PIK3R3: variants seen among roughly 807,000 people sequenced by gnomAD.
PIK3R3 encodes the protein phosphoinositide-3-kinase regulatory subunit 3.
A neutral mutation model predicts 62.9 loss-of-function variants in PIK3R3; 64 were observed. That is an observed-to-expected ratio of 1.02 (90% CI 0.83 to 1.25). The LOEUF is 1.25. PIK3R3 is among the 50% of genes most tolerant of loss of function. The pLI is 0.00. For missense variants in PIK3R3, 614 were observed against 561.6 expected, an observed-to-expected ratio of 1.09 and a Z score of -0.94; for synonymous variants, 165 against 189.0, an observed-to-expected ratio of 0.87 and a Z score of 1.04.
chr1:46,100,053 T>C lies in PIK3R3; in HGVS notation c.107-19303A>G, dbSNP rs186877618. Among the ~76,000 whole-genome samples the C allele has an allele frequency of 3.9e-5, 6 of 152,332 alleles. No homozygotes were observed. The East Asian group carries it at 1.2e-3, about 29-fold the overall frequency. On this transcript the variant is annotated intron_variant, in intron 1 of 9. Transcript: ENST00000262741. ...AATATTCTTCATATATCCTGATTAT[T>C]AATCCTTTTTAGTTATTTTTCCTGC... is the stretch of plus-strand genomic sequence containing the variant.
chr1:46,147,249 G>A, the PIK3R3 span, among the ~76,000 whole-genome samples: 6 of 152,188 alleles, frequency 3.9e-5, no homozygotes, highest in East Asian at 1.2e-3. Context: ...GACTACAGGT[G>A]CCTGCCACAA....
chr1:46,142,392 T>C, the PIK3R3 span, among the ~76,000 whole-genome samples: 1 of 152,136 alleles, frequency 6.6e-6, no homozygotes. Flanking sequence ...CATCGCTCTT[T>C]GAGGACATTG....
At chr1:46,166,562 T>C in the PIK3R3 span, among the ~76,000 whole-genome samples, 1 of 152,144 alleles carries the variant, frequency 6.6e-6, no homozygotes, top group Non-Finnish European at 1.5e-5. Flanking sequence ...TTCTCTTTTC[T>C]GAAGCTGGAG....
At position 46,132,243 on chromosome 1, in the gene PIK3R3, A is replaced by T; in HGVS notation, c.-291T>A. ...GAGGTGTTAAAAAGCGGCTTCCCAA[A>T]AATCCTTTCTACACAGTCGCTCTCC... On this transcript the variant is annotated 5_prime_UTR_variant, in exon 1 of 10. Coordinates refer to ENST00000262741, the MANE Select transcript of PIK3R3 (RefSeq NM_003629.4). 8.6e-7 allele frequency: 1 copy of T among 1,162,812 alleles called. No individual in the cohort carries two copies. The highest frequency in any genetic ancestry group is 1.1e-6 in the Non-Finnish European group (1 of 937,236). 72.0% of individuals were successfully genotyped at this position (1,162,812 alleles called of 1,614,324 possible).
chr1:46,103,011 C>T (rs1433349410), intron 1 of PIK3R3, among the ~76,000 whole-genome samples: 1 of 152,122 alleles, frequency 6.6e-6, no homozygotes, highest in Non-Finnish European at 1.5e-5. Context: ...AAAATCCTTT[C>T]ATATGCTACA....
chr1:46,066,637 T>A (rs1356267740), intron 4 of PIK3R3, among the ~76,000 whole-genome samples: 1 of 151,946 alleles, frequency 6.6e-6, no homozygotes, highest in Non-Finnish European at 1.5e-5. Context: ...CTGGGCAACA[T>A]GGCAAGACCC....
the PIK3R3 span, among the ~76,000 whole-genome samples, chr1:46,158,653 G>A: frequency 2.6e-5 from 4 of 152,222 alleles, no homozygotes; most frequent in East Asian, 5.8e-4. Context: ...TACATTTAGT[G>A]ACTGATTAAC....
At chr1:46,114,813 C>T (rs993421783) in intron 1 of PIK3R3, among the ~76,000 whole-genome samples, 1 of 141,484 alleles carries the variant, frequency 7.1e-6, no homozygotes, top group Non-Finnish European at 1.5e-5. Flanking sequence ...CAGAGTTTCA[C>T]CATGTTGCCC....
chr1:46,067,172 G>C (rs1482454171), intron 3 of PIK3R3, 81 bp from the exon 4 acceptor site: 1 of 1,056,936 alleles, frequency 9.5e-7, no homozygotes, highest in Admixed American at 2.7e-5. Context: ...AGACGTGAAA[G>C]CTTGGTGTCA....
intron 1 of PIK3R3, among the ~76,000 whole-genome samples, chr1:46,084,600 C>T (rs1436449132): frequency 6.6e-6 from 1 of 152,042 alleles, no homozygotes; most frequent in African/African-American, 2.4e-5. Flanking sequence ...ATTTATAATT[C>T]TTCTACTTAC....
At chr1:46,071,821 AACATTAAAT>A (rs1479098044) in intron 3 of PIK3R3, among the ~76,000 whole-genome samples, 3 of 149,592 alleles carry the variant, frequency 2.0e-5, no homozygotes, top group African/African-American at 7.4e-5. Flanking sequence ...ACCTACCTAC[AACATTAAAT>A]ACATTAAATA....
intron 7 of PIK3R3, chr1:46,048,273 G>GT (rs1273653467): frequency 6.6e-6 from 1 of 152,156 alleles, no homozygotes; most frequent in Admixed American, 6.5e-5. Flanking sequence ...GGATCATCCT[G>GT]TATCTCCCCA....
At position 46,040,182 on chromosome 1, in the gene PIK3R3, G is replaced by T. The variant is rs775324387; in HGVS notation, c.*3491C>A. 107 of 202,208 alleles carry T rather than the reference G, an allele frequency of 5.3e-4. No individual in the cohort carries two copies. Among genetic ancestry groups the T allele is most frequent in the Admixed American group, 1.0e-3 (17 of 16,446 alleles). 12.5% of individuals were successfully genotyped at this position (202,208 alleles called of 1,614,324 possible). On this transcript the variant is annotated 3_prime_UTR_variant, in exon 10 of 10. Coordinates refer to ENST00000262741, the MANE Select transcript of PIK3R3 (RefSeq NM_003629.4). Reference sequence around the variant, plus strand: ...CTTTATTGCATTACTGGAGCAAGTTGGCCAGACTGTCCCCTCTTGGGGAAG... The same window carrying T: ...CTTTATTGCATTACTGGAGCAAGTTTGCCAGACTGTCCCCTCTTGGGGAAG...
At chr1:46,058,122 C>T (rs1283797658) in intron 6 of PIK3R3, among the ~76,000 whole-genome samples, 1 of 152,242 alleles carries the variant, frequency 6.6e-6, no homozygotes, top group Non-Finnish European at 1.5e-5. Context: ...CAACATAGGG[C>T]TCAGGCCATG....
At position 46,131,931 on chromosome 1, in the gene PIK3R3, T is replaced by C. The variant is rs913014558; in HGVS notation, c.22A>G (p.Met8Val). 6.2e-7 allele frequency: 1 copy of C among 1,613,948 alleles called. No individual in the cohort carries two copies. Among genetic ancestry groups the C allele is most frequent in the Non-Finnish European group, 8.5e-7 (1 of 1,179,914 alleles). Residue 8 changes from methionine (M) to valine (V), a missense_variant, in exon 1 of 10, where the codon ATG (methionine) becomes GTG (valine). Physicochemically the swap from Met to Val is conservative, Grantham distance 21 (BLOSUM62 1). Coordinates refer to ENST00000262741, the MANE Select transcript of PIK3R3 (RefSeq NM_003629.4). ...CTCCAGTCTGCGTCATCGCGGTCCATACTCCACACCGTATTGTACATCGCG... is the reference window on the plus strand; with the variant it reads ...CTCCAGTCTGCGTCATCGCGGTCCACACTCCACACCGTATTGTACATCGCG... MYNTVWS[M>V]DRDDADWREV...
the PIK3R3 span, among the ~76,000 whole-genome samples, chr1:46,165,891 C>T: frequency 6.7e-6 from 1 of 149,872 alleles, no homozygotes; most frequent in Non-Finnish European, 1.5e-5. Flanking sequence ...CTGCCTCAGC[C>T]TCCCGAGTAG....
chr1:46,088,015 T>C (rs1045051467), intron 1 of PIK3R3, among the ~76,000 whole-genome samples: 3 of 152,124 alleles, frequency 2.0e-5, no homozygotes, highest in Admixed American at 1.3e-4. Flanking sequence ...AATGAAAAAG[T>C]TCTGGAGGTG....
chr1:46,056,331 G>A (rs564841970), intron 6 of PIK3R3: 7 of 172,186 alleles, frequency 4.1e-5, no homozygotes, highest in Admixed American at 3.2e-4. Flanking sequence ...GATTACAGGC[G>A]TGAGCCATTG....
At chr1:46,122,421 G>C (rs1317311428) in intron 1 of PIK3R3, among the ~76,000 whole-genome samples, 3 of 152,164 alleles carry the variant, frequency 2.0e-5, no homozygotes, top group Non-Finnish European at 2.9e-5. Flanking sequence ...CCAGGCTGGA[G>C]TGCAGTGGCG....
Sources: gnomAD v4.1 joint callset for allele counts (sites outside exome capture counted in the v4.1 genomes callset) on GRCh38, gnomAD v4.1.1 for gene constraint, MANE v1.5 for transcripts, NCBI Gene and HGNC (gene_info 2026-07-23, HGNC 2026-07-21) for gene names.